Variants in ZNF143 observed in about 807,000 individuals in gnomAD.
ZNF143 encodes SPH-binding factor.
In ZNF143, 49 loss-of-function variants were observed where a neutral mutation model predicts 74.1. The ratio of observed to expected loss-of-function variants is 0.66; its 90% CI spans 0.53 to 0.84. The LOEUF is 0.84. Among genes scored for constraint, ZNF143 ranks in the 40% least tolerant of loss-of-function variants. ZNF143 has a pLI of 0.00. For synonymous variants in ZNF143, 304 were observed against 282.8 expected, an observed-to-expected ratio of 1.07 and a Z score of -0.75; for missense variants, 637 against 793.4, an observed-to-expected ratio of 0.80 and a Z score of 2.37.
Position 9,501,320 on chromosome 11 carries a change from C to T in ZNF143, c.1147+50C>T, listed in dbSNP as rs368469858. The T allele has an allele frequency of 1.0e-5, 16 of 1,582,378 alleles. No individual in the cohort carries two copies. In the African/African-American group the frequency reaches 1.4e-4, roughly 13 times the overall value. On this transcript the variant is annotated intron_variant, in intron 11 of 15. Coordinates refer to ENST00000396602, the MANE Select transcript of ZNF143 (RefSeq NM_003442.6). ...TTTTATCTTTCAAGGCTCAGTTTAACTCCTGCCTTTTCCAGAAACCATTTC... is the reference window on the plus strand; with the variant it reads ...TTTTATCTTTCAAGGCTCAGTTTAATTCCTGCCTTTTCCAGAAACCATTTC...
At chr11:9,484,607 T>G (rs1272950951) in intron 7 of ZNF143, among the ~76,000 whole-genome samples, 5 of 92,610 alleles carry the variant, frequency 5.4e-5, no homozygotes, top group African/African-American at 1.7e-4. Flanking sequence ...AGTTTGGTGT[T>G]TTTTTTTTTT....
At chr11:9,507,245 G>A (rs1010909555) in intron 11 of ZNF143, among the ~76,000 whole-genome samples, 2 of 152,276 alleles carry the variant, frequency 1.3e-5, no homozygotes, top group Admixed American at 6.5e-5. Context: ...ACCAGGACAT[G>A]CATATGTATA....
intron 4 of ZNF143, 65 bp downstream of exon 4, chr11:9,474,089 G>T: frequency 7.8e-7 from 1 of 1,287,888 alleles, no homozygotes; most frequent in Non-Finnish European, 1.1e-6. Flanking sequence ...TTTGCTACCT[G>T]CAGCTCCCTC....
rs749329762 is a variant in ZNF143, at chr11:9,479,515, T to C, written c.614T>C (p.Ile205Thr). Residue 205 changes from isoleucine (I) to threonine (T), a missense_variant, in exon 7 of 16, where the codon ATT (isoleucine) becomes ACT (threonine). Physicochemically the swap from Ile to Thr is moderately conservative, Grantham distance 89 (BLOSUM62 -1). Coordinates refer to ENST00000396602, the MANE Select transcript of ZNF143 (RefSeq NM_003442.6). ...GSESVAGTGM[I>T]GENEQEKKMQ... Reference sequence around the variant, plus strand: ...GAAAGTGTAGCAGGTACTGGAATGATTGGAGAAAATGAGCAAGAGAAAAAA... The same window carrying C: ...GAAAGTGTAGCAGGTACTGGAATGACTGGAGAAAATGAGCAAGAGAAAAAA... 6 of 1,613,396 alleles carry C rather than the reference T, an allele frequency of 3.7e-6. No individual in the cohort carries two copies. The highest frequency in any genetic ancestry group is 1.7e-6 in the Non-Finnish European group (2 of 1,179,790).
chr11:9,483,984 G>A (rs11042383), intron 7 of ZNF143, among the ~76,000 whole-genome samples: 1,632 of 150,644 alleles, frequency 0.011, 86 homozygotes, highest in African/African-American at 0.038. Flanking sequence ...TCTTGACCTC[G>A]TGATCCGCCC....
At position 9,471,618 on chromosome 11, in the gene ZNF143, T is replaced by C. The variant is rs552812437; in HGVS notation, c.112+198T>C. 2.0e-5 allele frequency among the ~76,000 whole-genome samples: 3 copies of C among 151,956 alleles called. No homozygotes were observed. The South Asian group carries it at 6.2e-4, about 32-fold the overall frequency. On this transcript the variant is annotated intron_variant, in intron 2 of 15. Coordinates refer to ENST00000396602, the MANE Select transcript of ZNF143 (RefSeq NM_003442.6). ...CCCAGGCTGGAGTGCGATGGTCTGCTCTCGGCTCACTGCAACCTCTGCCTC... is the reference window on the plus strand; with the variant it reads ...CCCAGGCTGGAGTGCGATGGTCTGCCCTCGGCTCACTGCAACCTCTGCCTC...
intron 5 of ZNF143, among the ~76,000 whole-genome samples, chr11:9,477,535 G>A (rs537050851): frequency 2.1e-4 from 32 of 152,106 alleles, no homozygotes; most frequent in Non-Finnish European, 3.5e-4. Flanking sequence ...GATTACAGGC[G>A]TGAGCCACCA....
At chr11:9,475,903 A>AAAATAT (rs143829349) in intron 5 of ZNF143, among the ~76,000 whole-genome samples, 347 of 76,306 alleles carry the variant, frequency 4.5e-3, no homozygotes, top group South Asian at 0.01. Context: ...GTCTCAAAAA[A>AAAATAT]ATATATATGT....
At chr11:9,496,849 C>A (rs1264518966) in intron 9 of ZNF143, among the ~76,000 whole-genome samples, 1 of 152,126 alleles carries the variant, frequency 6.6e-6, no homozygotes, top group Non-Finnish European at 1.5e-5. Context: ...CCGTCCGCCT[C>A]GGCCTCCCAA....
chr11:9,509,882 A>G (rs1386063164), intron 12 of ZNF143, among the ~76,000 whole-genome samples: 1 of 151,728 alleles, frequency 6.6e-6, no homozygotes, highest in Admixed American at 6.6e-5. Context: ...AGTTAGGAGG[A>G]ATAAGTTCTG....
intron 5 of ZNF143, among the ~76,000 whole-genome samples, chr11:9,475,910 A>ATATATATGTGTGTG (rs370474107): frequency 4.4e-5 from 6 of 137,374 alleles, no homozygotes; most frequent in African/African-American, 1.7e-4. Context: ...AAAAATATAT[A>ATATATATGTGTGTG]TGTGTGTGTG....
At chr11:9,496,159 C>T (rs896825395) in intron 8 of ZNF143, 144 bp from the exon 9 acceptor site, 19 of 664,708 alleles carry the variant, frequency 2.9e-5, no homozygotes, top group South Asian at 5.6e-5. Context: ...ATTGGGCTAT[C>T]GTTTTTGTGA....
intron 1 of ZNF143, among the ~76,000 whole-genome samples, chr11:9,470,028 T>C (rs527835651): frequency 3.9e-5 from 6 of 152,350 alleles, no homozygotes; most frequent in Middle Eastern, 3.4e-3. Flanking sequence ...TAAATATTGA[T>C]GCTAAGTCAG....
At position 9,486,377 on chromosome 11, in the gene ZNF143, T is replaced by TA. The variant is rs1491241348; in HGVS notation, c.645+6831_645+6832insA. 2.4e-3 allele frequency among the ~76,000 whole-genome samples: 89 copies of TA among 37,138 alleles called. 6 individuals are homozygous for TA. The highest frequency in any genetic ancestry group is 3.1e-3 in the Non-Finnish European group (62 of 20,272). The allele number at this position is 37,138 out of a possible 152,430, so 24.4% of individuals were successfully genotyped here. On this transcript the variant is annotated intron_variant, in intron 7 of 15. Coordinates refer to ENST00000396602, the MANE Select transcript of ZNF143 (RefSeq NM_003442.6). ...TTATATATATATTATATATAATATA[T>TA]TATATATATAATATATATAATATAT...
intron 2 of ZNF143, 44 bp from the exon 3 acceptor site, chr11:9,472,633 C>A: frequency 6.7e-7 from 1 of 1,490,498 alleles, no homozygotes; most frequent in Non-Finnish European, 9.3e-7. Flanking sequence ...TCAGCATGTC[C>A]ATATGCTAGC....
At position 9,526,340 on chromosome 11, in the gene ZNF143, C is replaced by G. The variant is rs186166852; in HGVS notation, c.1833+954C>G. On this transcript the variant is annotated intron_variant, in intron 15 of 15. Transcript: ENST00000396602. ...CTGTACTCCAGCCTGGGCAACAGAG[C>G]GAGACCCTGTCTCAAAAAAAAAATT... 2.1e-3 allele frequency among the ~76,000 whole-genome samples: 312 copies of G among 151,954 alleles called. 1 individual carries two copies. Among genetic ancestry groups the G allele is most frequent in the Middle Eastern group, 3.4e-3 (1 of 294 alleles).
At chr11:9,527,112 C>T (rs1045638589) in intron 15 of ZNF143, among the ~76,000 whole-genome samples, 1 of 152,114 alleles carries the variant, frequency 6.6e-6, no homozygotes, top group Non-Finnish European at 1.5e-5. Flanking sequence ...AGATTACAGG[C>T]GTGAGCCACC....
At chr11:9,461,334 G>C (rs2133790858) in intron 1 of ZNF143, among the ~76,000 whole-genome samples, 1 of 152,306 alleles carries the variant, frequency 6.6e-6, no homozygotes, top group South Asian at 2.1e-4. Flanking sequence ...GCTTGTCTCT[G>C]AGCGATGCGC....
chr11:9,527,594 C>T lies in ZNF143; in HGVS notation c.1898C>T (p.Thr633Met), dbSNP rs1204406783. The T allele has an allele frequency of 3.7e-6, 6 of 1,614,058 alleles. No individual in the cohort carries two copies. Among genetic ancestry groups the T allele is most frequent in the African/African-American group, 1.3e-5 (1 of 75,036 alleles). Residue 633 changes from threonine (T) to methionine (M), a missense_variant, in exon 16 of 16, where the codon ACG becomes ATG. Physicochemically the swap from Thr to Met is moderately conservative, Grantham distance 81. Coordinates refer to ENST00000396602, the MANE Select transcript of ZNF143 (RefSeq NM_003442.6). ...RIASRIQQGE[T>M]PGLDD ...GCGTCTAGAATCCAACAAGGAGAAA[C>T]GCCAGGGTTGGATGATTAATCCTCA...
Sources: gnomAD v4.1 joint callset for allele counts (sites outside exome capture counted in the v4.1 genomes callset) on GRCh38, gnomAD v4.1.1 for gene constraint, MANE v1.5 for transcripts, NCBI Gene and HGNC (gene_info 2026-07-23, HGNC 2026-07-21) for gene names.